Variants in CNTN6 observed in about 807,000 individuals in gnomAD.
CNTN6 encodes contactin-6.
A neutral mutation model predicts 122.8 loss-of-function variants in CNTN6; 137 were observed. The observed-to-expected ratio is 1.12, with a 90% CI of 0.97 to 1.29. The LOEUF (loss-of-function observed/expected upper bound fraction) is 1.29, where lower values mean the gene tolerates loss of function less well. Ranked by LOEUF, CNTN6 falls within the 50% of genes most tolerant of loss-of-function variation. The probability of loss-of-function intolerance (pLI) is 0.00; values close to 1 mark genes in which losing one functional copy is unlikely to be tolerated. For missense variants in CNTN6, 1,634 were observed against 1,223.4 expected (o/e 1.34, Z -5.01); for synonymous variants, 570 against 426.0 (o/e 1.34, Z -4.16).
intron 1 of CNTN6, among the ~76,000 whole-genome samples, chr3:1,120,494 T>TA (rs2091909279): frequency 6.6e-6 from 1 of 152,012 alleles, no homozygotes; most frequent in Admixed American, 6.6e-5. Flanking sequence ...TTTTACTTTG[T>TA]AAAGTGTTTA....
chr3:1,348,703 G>A (rs1193874912), intron 11 of CNTN6, among the ~76,000 whole-genome samples: 1 of 151,904 alleles, frequency 6.6e-6, no homozygotes, highest in Non-Finnish European at 1.5e-5. Context: ...TAAAATAAGT[G>A]TTTTCTGGTC....
chr3:1,200,121 C>T (rs564448936), intron 2 of CNTN6, among the ~76,000 whole-genome samples: 2 of 152,054 alleles, frequency 1.3e-5, no homozygotes, highest in South Asian at 4.1e-4. Flanking sequence ...GCAATGTTCA[C>T]CTCCTGGGTT....
chr3:1,197,670 A>G (rs2093797500), intron 2 of CNTN6, among the ~76,000 whole-genome samples: 1 of 152,186 alleles, frequency 6.6e-6, no homozygotes, highest in Non-Finnish European at 1.5e-5. Flanking sequence ...ATAAGGGGTG[A>G]GGGCTCCTGA....
At chr3:1,222,510 C>G (rs909326938) in intron 3 of CNTN6, among the ~76,000 whole-genome samples, 4 of 151,932 alleles carry the variant, frequency 2.6e-5, no homozygotes, top group African/African-American at 9.7e-5. Context: ...TGGCTTTTAA[C>G]AGTTAGAAGG....
rs780166296 is a variant in CNTN6 at position 1,327,455 on chromosome 3, A to T, written c.1084-2A>T. On this transcript the variant is annotated splice_acceptor_variant, in intron 9 of 22. Coordinates refer to ENST00000446702, the MANE Select transcript of CNTN6 (RefSeq NM_001289080.2). LOFTEE classifies it high-confidence loss of function. ...ATCTTTATATGCCTTTTCCTTTATT[A>T]GGAGAGAATTCAAATAGAAAATGGG... is the stretch of plus-strand genomic sequence containing the variant. 5 of 1,609,466 alleles carry T rather than the reference A, an allele frequency of 3.1e-6. No individual in the cohort carries two copies. The African/African-American group carries it at 6.7e-5, about 22-fold the overall frequency.
intron 1 of CNTN6, among the ~76,000 whole-genome samples, chr3:1,110,039 A>G (rs2091408089): frequency 6.6e-6 from 1 of 151,902 alleles, no homozygotes; most frequent in African/African-American, 2.4e-5. Context: ...CAGCTTTTCC[A>G]TTTGCTTGAA....
At chr3:1,344,938 T>G (rs1175750197) in intron 11 of CNTN6, among the ~76,000 whole-genome samples, 1 of 152,106 alleles carries the variant, frequency 6.6e-6, no homozygotes, top group African/African-American at 2.4e-5. Context: ...ATGTCTCTCT[T>G]GAGACAGTAC....
chr3:1,388,942 G>C (rs1310946091), intron 20 of CNTN6, among the ~76,000 whole-genome samples: 1 of 141,018 alleles, frequency 7.1e-6, no homozygotes, highest in African/African-American at 2.7e-5. Flanking sequence ...TCTGATTGGT[G>C]TACCTGAAAG....
chr3:1,201,455 C>T (rs1489002808), intron 2 of CNTN6, among the ~76,000 whole-genome samples: 1 of 140,926 alleles, frequency 7.1e-6, no homozygotes, highest in Non-Finnish European at 1.5e-5. Flanking sequence ...CAAGTTACTA[C>T]ATATAACAGA....
intron 1 of CNTN6, among the ~76,000 whole-genome samples, chr3:1,143,674 CAAATG>C (rs1228246580): frequency 6.6e-6 from 1 of 152,160 alleles, no homozygotes; most frequent in Non-Finnish European, 1.5e-5. Context: ...TAAACTTTCA[CAAATG>C]AAACTTTTAC....
intron 12 of CNTN6, among the ~76,000 whole-genome samples, chr3:1,354,661 A>G (rs532376024): frequency 6.6e-6 from 1 of 151,682 alleles, no homozygotes; most frequent in East Asian, 1.9e-4. Flanking sequence ...TGGGAACTGT[A>G]TGTGCCCAGT....
intron 11 of CNTN6, among the ~76,000 whole-genome samples, chr3:1,342,309 T>C (rs561049829): frequency 1.3e-5 from 2 of 152,214 alleles, no homozygotes; most frequent in East Asian, 1.9e-4. Context: ...TTTGTATTTT[T>C]AGTAGGGAAG....
At chr3:1,389,254 A>G (rs1443650294) in intron 20 of CNTN6, among the ~76,000 whole-genome samples, 1 of 152,118 alleles carries the variant, frequency 6.6e-6, no homozygotes, top group African/African-American at 2.4e-5. Context: ...GTGGGGGCCA[A>G]TATTCAACAT....
At chr3:1,132,725 TG>T (rs1040719141) in intron 1 of CNTN6, among the ~76,000 whole-genome samples, 4 of 151,608 alleles carry the variant, frequency 2.6e-5, no homozygotes, top group African/African-American at 7.3e-5. Context: ...TCATCCTTGC[TG>T]GGGGTCACTT....
intron 1 of CNTN6, chr3:1,128,524 C>T (rs1206559477): frequency 6.6e-6 from 1 of 152,008 alleles, no homozygotes; most frequent in East Asian, 1.9e-4. Flanking sequence ...TTCCAAAAAT[C>T]ACACAGAAAA....
rs201497692 is a variant in CNTN6, at chr3:1,156,691, C to CCCTT, written c.55+8646_55+8649dup. On this transcript the variant is annotated intron_variant, in intron 2 of 22. Coordinates refer to ENST00000446702, the MANE Select transcript of CNTN6 (RefSeq NM_001289080.2). ...CCTTCCTTCCTTCCTTTCCCTCCCTCCCTTCCTTCCTTCCTTCCTTCTTCT... is the reference window on the plus strand; with the variant it reads ...CCTTCCTTCCTTCCTTTCCCTCCCTCCCTTCCTTCCTTCCTTCCTTCCTTCTTCT... Among the ~76,000 whole-genome samples the CCCTT allele has an allele frequency of 0.013, 731 of 56,620 alleles. 18 individuals are homozygous for CCCTT. In the East Asian group the frequency reaches 0.17, roughly 13 times the overall value. The allele number at this position is 56,620 out of a possible 152,430, so 37.1% of individuals were successfully genotyped here.
At chr3:1,213,137 C>A (rs1200693975) in intron 2 of CNTN6, among the ~76,000 whole-genome samples, 2 of 152,070 alleles carry the variant, frequency 1.3e-5, no homozygotes, top group African/African-American at 4.8e-5. Flanking sequence ...TTTTGAAAAC[C>A]ACTAATCATT....
chr3:1,377,361 G>A (rs1269599079), intron 17 of CNTN6, among the ~76,000 whole-genome samples: 2 of 152,074 alleles, frequency 1.3e-5, no homozygotes, highest in South Asian at 2.1e-4. Flanking sequence ...TGATGAATTA[G>A]GCATTGTTTG....
At chr3:1,373,897 G>C in intron 15 of CNTN6, 27 bp from the exon 16 acceptor site, 2 of 1,592,874 alleles carry the variant, frequency 1.3e-6, no homozygotes, top group South Asian at 2.3e-5. Flanking sequence ...TCCCAACCTA[G>C]GTGCCTTAGT....
Sources: allele counts gnomAD v4.1 joint callset (sites outside exome capture counted in the v4.1 genomes callset), GRCh38; gene constraint gnomAD v4.1.1; transcripts MANE v1.5; gene names NCBI Gene and HGNC (gene_info 2026-07-23, HGNC 2026-07-21).